The following KLF13 variants were observed in gnomAD, a reference collection of about 807,000 sequenced individuals.
KLF13 encodes the protein Krueppel-like factor 13.
A neutral mutation model predicts 16.7 loss-of-function variants in KLF13; 8 were observed. The observed-to-expected ratio is 0.48, with a 90% CI of 0.28 to 0.87. KLF13 has a LOEUF of 0.87. Ranked by LOEUF, KLF13 falls within the 40% of genes least tolerant of loss-of-function variation. The pLI, the probability that KLF13 is intolerant of heterozygous loss-of-function variation, is 0.10. For synonymous variants in KLF13, 245 were observed against 208.4 expected (o/e 1.18, Z -1.51); for missense variants, 447 against 452.2 (o/e 0.99, Z 0.10).
At chr15:31,426,017 C>T (rs1316119969) in intron 1 of KLF13, among the ~76,000 whole-genome samples, 1 of 152,218 alleles carries the variant, frequency 6.6e-6, no homozygotes, top group Non-Finnish European at 1.5e-5. Flanking sequence ...GGGGCAGGAG[C>T]AAAATGCCTC....
intron 1 of KLF13, among the ~76,000 whole-genome samples, chr15:31,351,569 C>T (rs140654414): frequency 4.6e-4 from 70 of 152,236 alleles, no homozygotes; most frequent in African/African-American, 1.7e-3. Context: ...GGGGGAGTTC[C>T]CAGGAGCCTG....
intron 1 of KLF13, among the ~76,000 whole-genome samples, chr15:31,336,145 G>C (rs559014508): frequency 2.0e-5 from 3 of 152,368 alleles, no homozygotes; most frequent in African/African-American, 4.8e-5. Context: ...CCTGGCGAGT[G>C]GTCAGGGCCC....
intron 1 of KLF13, among the ~76,000 whole-genome samples, chr15:31,339,173 G>C (rs369101248): frequency 6.6e-6 from 1 of 152,158 alleles, no homozygotes; most frequent in East Asian, 1.9e-4. Flanking sequence ...TGGCAACTGG[G>C]CTGTGCCATG....
Position 31,375,207 on chromosome 15 carries a change from A to G in KLF13, c.*2908A>G, listed in dbSNP as rs1019038743. On this transcript the variant is annotated 3_prime_UTR_variant, in exon 2 of 2. Transcript: ENST00000307145. ...AGGGAGAAACCCATGAATCTCAGGC[A>G]CGGTTCACAGGGGTCCTCAAGGGCA... 2 of 152,252 alleles carry G rather than the reference A, an allele frequency of 1.3e-5. No homozygotes were observed. The highest frequency in any genetic ancestry group is 2.4e-5 in the African/African-American group (1 of 41,428). 9.4% of individuals were successfully genotyped at this position (152,252 alleles called of 1,614,324 possible). A position where few individuals can be genotyped will look rare whatever the true frequency, so the allele number is the denominator to read the frequency against.
At position 31,372,310 on chromosome 15, in the gene KLF13, G is replaced by A; in HGVS notation, c.*11G>A. On this transcript the variant is annotated 3_prime_UTR_variant, in exon 2 of 2. Coordinates refer to ENST00000307145, the MANE Select transcript of KLF13 (RefSeq NM_015995.4). ...GCCAGCTCGCCCTGAGCCCGCCACA[G>A]CCATGAGCAGCCGCTCCCACCCCCT... is the stretch of plus-strand genomic sequence containing the variant. The A allele has an allele frequency of 1.4e-6, 2 of 1,455,110 alleles. No individual in the cohort carries two copies. Among genetic ancestry groups the A allele is most frequent in the Non-Finnish European group, 1.8e-6 (2 of 1,107,982 alleles). 90.1% of individuals were successfully genotyped at this position (1,455,110 alleles called of 1,614,324 possible).
At chr15:31,385,765 A>G (rs1408573463) in intron 1 of KLF13, among the ~76,000 whole-genome samples, 1 of 152,202 alleles carries the variant, frequency 6.6e-6, no homozygotes, top group African/African-American at 2.4e-5. Context: ...TATCGAAATT[A>G]GGCCAATTAA....
chr15:31,360,032 G>A (rs28705115), intron 1 of KLF13, among the ~76,000 whole-genome samples: 64,610 of 152,026 alleles, frequency 0.42, 14,657 homozygotes, highest in East Asian at 0.56. Context: ...GGCAGACCTA[G>A]GTAGCCTCAG....
At chr15:31,381,064 C>T (rs1413255954), downstream of KLF13, among the ~76,000 whole-genome samples, 2 of 150,476 alleles carry the variant, frequency 1.3e-5, no homozygotes, top group Non-Finnish European at 3.0e-5. Context: ...CCCAGCTACT[C>T]GGGAGGCTGA....
At chr15:31,388,753 G>T, upstream of KLF13, among the ~76,000 whole-genome samples, 1 of 124,334 alleles carries the variant, frequency 8.0e-6, no homozygotes, top group African/African-American at 3.1e-5. Flanking sequence ...TACGAACAAG[G>T]TTAAAAAATC....
At chr15:31,356,324 TGAATGGATCACCTGAGGTCAGGA>T (rs1443721263) in intron 1 of KLF13, among the ~76,000 whole-genome samples, 1 of 152,068 alleles carries the variant, frequency 6.6e-6, no homozygotes, top group South Asian at 2.1e-4. Context: ...GAGGCCAAGG[TGAATGGATCACCTGAGGTCAGGA>T]GTTTCAGACC....
At chr15:31,392,716 A>T (rs1015932739), upstream of KLF13, 1 of 152,220 alleles carries the variant, frequency 6.6e-6, no homozygotes, top group Admixed American at 6.5e-5. Flanking sequence ...CGGTATTTTA[A>T]CAATGGGGGT....
intron 1 of KLF13, among the ~76,000 whole-genome samples, chr15:31,409,799 G>T (rs1416766915): frequency 1.3e-5 from 2 of 152,100 alleles, no homozygotes; most frequent in Non-Finnish European, 2.9e-5. Context: ...TTTAAAAAAT[G>T]AAGAAGACAT....
At chr15:31,363,269 G>A (rs548922985) in intron 1 of KLF13, among the ~76,000 whole-genome samples, 2 of 152,274 alleles carry the variant, frequency 1.3e-5, no homozygotes, top group African/African-American at 4.8e-5. Context: ...GCATTTGAGA[G>A]CCATTTGTAG....
exon 3 of KLF13, chr15:31,403,903 C>G (rs534670276): frequency 3.9e-5 from 6 of 152,318 alleles, no homozygotes; most frequent in Admixed American, 3.9e-4. Context: ...CGGACTGGAG[C>G]GCCAGCTGCA....
intron 1 of KLF13, among the ~76,000 whole-genome samples, chr15:31,335,101 G>A (rs1228407357): frequency 6.6e-6 from 1 of 152,182 alleles, no homozygotes; most frequent in African/African-American, 2.4e-5. Context: ...GTGAGTGGAC[G>A]TGGCACCCTG....
At chr15:31,332,020 C>T (rs1197560190) in intron 1 of KLF13, among the ~76,000 whole-genome samples, 1 of 152,150 alleles carries the variant, frequency 6.6e-6, no homozygotes, top group Non-Finnish European at 1.5e-5. Context: ...CTTATTTACC[C>T]TTCACTTATG....
chr15:31,327,359 C>A lies in KLF13; in HGVS notation c.147C>A (p.Val49=). The change falls in exon 1 of 2, where the codon GTC becomes GTA. Residue 49 remains valine, a synonymous_variant. Transcript: ENST00000307145. The part of the protein sequence containing the change: ...AVAATPTLPR[V]EERRDGKDSA... The stretch of plus-strand genomic sequence containing the variant: ...CCGCCACCCCCACGCTGCCCCGCGT[C>A]GAGGAGCGCCGCGACGGTAAGGACA... 7.8e-7 allele frequency: 1 copy of A among 1,277,522 alleles called. No homozygotes were observed. Among genetic ancestry groups the A allele is most frequent in the Non-Finnish European group, 9.9e-7 (1 of 1,012,970 alleles). 79.1% of individuals were successfully genotyped at this position (1,277,522 alleles called of 1,614,324 possible).
intron 1 of KLF13, among the ~76,000 whole-genome samples, chr15:31,418,131 A>G (rs1395206721): frequency 6.6e-6 from 1 of 151,896 alleles, no homozygotes. Context: ...TTAAAGAAGA[A>G]CTGTAATTAA....
intron 1 of KLF13, among the ~76,000 whole-genome samples, chr15:31,424,918 C>G (rs530669535): frequency 8.4e-6 from 1 of 118,764 alleles, no homozygotes; most frequent in Non-Finnish European, 1.9e-5. Context: ...GCTCTTAGAA[C>G]TAAAGAACAA....
Sources: allele counts gnomAD v4.1 joint callset (sites outside exome capture counted in the v4.1 genomes callset), GRCh38; gene constraint gnomAD v4.1.1; transcripts MANE v1.5; gene names NCBI Gene and HGNC (gene_info 2026-07-23, HGNC 2026-07-21).